Variants in FBXO34 observed in about 807,000 individuals in gnomAD.
FBXO34 encodes F-box only protein 34.
Under a neutral mutation model 24.5 loss-of-function variants are expected in FBXO34, and 12 were observed. The ratio of observed to expected loss-of-function variants is 0.49; its 90% CI spans 0.31 to 0.79. The LOEUF (loss-of-function observed/expected upper bound fraction) is 0.79, where lower values mean the gene tolerates loss of function less well. FBXO34 is among the 30% of genes least tolerant of loss of function. The probability of loss-of-function intolerance (pLI) is 0.04; values close to 1 mark genes in which losing one functional copy is unlikely to be tolerated. For missense variants in FBXO34, 823 were observed against 857.7 expected (o/e 0.96, Z 0.51); for synonymous variants, 320 against 311.9 (o/e 1.03, Z -0.27).
the FBXO34 span, chr14:55,440,345 G>A: frequency 6.2e-6 from 10 of 1,609,066 alleles, no homozygotes; most frequent in African/African-American, 1.3e-5. Context: ...CCTTGGCACA[G>A]GACCGGGCGG....
At chr14:55,327,597 C>T (rs1185358143) in intron 1 of FBXO34, among the ~76,000 whole-genome samples, 5 of 152,030 alleles carry the variant, frequency 3.3e-5, no homozygotes, top group African/African-American at 1.2e-4. Flanking sequence ...AAAAATGTTG[C>T]TGTTTACTAA....
At chr14:55,390,986 T>A in the FBXO34 span, 2 of 1,603,736 alleles carry the variant, frequency 1.2e-6, no homozygotes, top group African/African-American at 2.7e-5. Flanking sequence ...GACATTATTT[T>A]CCATCTCTGA....
At chr14:55,322,408 C>A (rs1883170408) in intron 1 of FBXO34, among the ~76,000 whole-genome samples, 1 of 152,006 alleles carries the variant, frequency 6.6e-6, no homozygotes, top group Non-Finnish European at 1.5e-5. Context: ...TCAGTTTTTA[C>A]ACCAATAGCA....
the FBXO34 span, chr14:55,395,124 A>G: frequency 2.1e-6 from 1 of 481,754 alleles, no homozygotes; most frequent in South Asian, 1.5e-5. Flanking sequence ...CTGCTTTCTC[A>G]GCTTCGTTTC....
chr14:55,418,505 T>C, the FBXO34 span, among the ~76,000 whole-genome samples: 1 of 152,326 alleles, frequency 6.6e-6, no homozygotes, highest in East Asian at 1.9e-4. Flanking sequence ...AAGTTATTCA[T>C]TTTATGACAT....
chr14:55,440,221 A>G, the FBXO34 span, among the ~76,000 whole-genome samples: 1 of 152,328 alleles, frequency 6.6e-6, no homozygotes, highest in African/African-American at 2.4e-5. Context: ...CTGTTTGGCA[A>G]CCTTGGTCAA....
Position 55,351,277 on chromosome 14 carries a change from A to G in FBXO34, c.887A>G (p.Gln296Arg), listed in dbSNP as rs1394290322. ...TCTGAGTGCCTGAAGCGGCAGGGCCAGCGTGAGCCTGGGAGCCTCTCAAGG... is the reference window on the plus strand; with the variant it reads ...TCTGAGTGCCTGAAGCGGCAGGGCCGGCGTGAGCCTGGGAGCCTCTCAAGG... ...LESECLKRQG[Q>R]REPGSLSRNN... The change falls in exon 2 of 2, where the codon CAG becomes CGG. Residue 296 changes from glutamine (Q) to arginine (R), a missense_variant. This residue lies in a region of FBXO34 where 693 missense variants were observed against 659.1 expected (regional missense o/e 1.05). Coordinates refer to ENST00000313833, the MANE Select transcript of FBXO34 (RefSeq NM_017943.4). The G allele has an allele frequency of 2.5e-6, 4 of 1,614,216 alleles. No homozygotes were observed. In the South Asian group the frequency reaches 4.4e-5, roughly 18 times the overall value.
At chr14:55,385,112 C>CT in the FBXO34 span, among the ~76,000 whole-genome samples, 2 of 152,332 alleles carry the variant, frequency 1.3e-5, no homozygotes, top group Admixed American at 6.5e-5. Flanking sequence ...TGCCCACCAT[C>CT]TAAGAGACCC....
chr14:55,317,969 C>T (rs975400610), intron 1 of FBXO34, among the ~76,000 whole-genome samples: 4 of 152,162 alleles, frequency 2.6e-5, no homozygotes, highest in Non-Finnish European at 4.4e-5. Flanking sequence ...ATTTCAGAAA[C>T]ATTTTCTATT....
chr14:55,412,301 T>A, the FBXO34 span, among the ~76,000 whole-genome samples: 1 of 152,220 alleles, frequency 6.6e-6, no homozygotes, highest in African/African-American at 2.4e-5. Context: ...TGGGGCAAGT[T>A]CCTTAATCTC....
chr14:55,287,153 G>A (rs1220393250), intron 1 of FBXO34, among the ~76,000 whole-genome samples: 1 of 152,110 alleles, frequency 6.6e-6, no homozygotes, highest in Non-Finnish European at 1.5e-5. Context: ...TGATCCATCT[G>A]CCTTGGCCTC....
intron 1 of FBXO34, among the ~76,000 whole-genome samples, chr14:55,293,045 G>A (rs1462816824): frequency 2.0e-4 from 31 of 152,234 alleles, no homozygotes; most frequent in Admixed American, 1.7e-3. Flanking sequence ...ACCACACCCG[G>A]CTAATTTTTG....
chr14:55,273,281 G>T (rs1476998711), intron 1 of FBXO34, among the ~76,000 whole-genome samples: 1 of 152,058 alleles, frequency 6.6e-6, no homozygotes, highest in Admixed American at 6.5e-5. Context: ...GCAGATGGAA[G>T]TTATGCCCAT....
chr14:55,406,824 TA>T, the FBXO34 span, among the ~76,000 whole-genome samples: 1 of 152,216 alleles, frequency 6.6e-6, no homozygotes, highest in Non-Finnish European at 1.5e-5. Flanking sequence ...CCCTGAACCC[TA>T]AAATTTCTTT....
At chr14:55,309,312 G>A (rs761682716) in intron 1 of FBXO34, among the ~76,000 whole-genome samples, 8 of 152,170 alleles carry the variant, frequency 5.3e-5, no homozygotes, top group African/African-American at 1.9e-4. Flanking sequence ...GTGTGGCGGT[G>A]TGTGGATGGG....
Position 55,345,855 on chromosome 14 carries a change from G to T in FBXO34, c.-10-4526G>T, listed in dbSNP as rs548104214. Among the ~76,000 whole-genome samples, 5 of 151,712 alleles carry T rather than the reference G, an allele frequency of 3.3e-5. No individual in the cohort carries two copies. The South Asian group carries it at 1.0e-3, about 32-fold the overall frequency. On this transcript the variant is annotated intron_variant, in intron 1 of 1. Coordinates refer to ENST00000313833, the MANE Select transcript of FBXO34 (RefSeq NM_017943.4). ...TGTCTCTACAAAAAATTTTTAAAAA[G>T]ATTAGCTGGCCATTGTGGCATGTGC...
rs1881141881 is a variant in FBXO34 at position 55,271,507 on chromosome 14, G to C, written c.-41G>C. 6.6e-6 allele frequency: 1 copy of C among 151,376 alleles called. No homozygotes were observed. Among genetic ancestry groups the C allele is most frequent in the Admixed American group, 6.6e-5 (1 of 15,206 alleles). 9.4% of individuals were successfully genotyped at this position (151,376 alleles called of 1,614,324 possible). A position where few individuals can be genotyped will look rare whatever the true frequency, so the allele number is the denominator to read the frequency against. On this transcript the variant is annotated 5_prime_UTR_variant, in exon 1 of 2. Transcript: ENST00000313833. ...CACTGCGTCGGGCTGGTGCAGCCCC[G>C]GGCCAGGCCGCGGCCGGGGCAGGAG...
At chr14:55,329,933 T>G (rs1337457021) in intron 1 of FBXO34, among the ~76,000 whole-genome samples, 1 of 152,094 alleles carries the variant, frequency 6.6e-6, no homozygotes, top group Non-Finnish European at 1.5e-5. Context: ...CTGGCCTGTT[T>G]TTTTGTTTCT....
the FBXO34 span, among the ~76,000 whole-genome samples, chr14:55,433,309 CTTTTTTTTTT>C: frequency 1.5e-4 from 18 of 119,892 alleles, no homozygotes; most frequent in African/African-American, 5.3e-4. Context: ...TTAGATTTCT[CTTTTTTTTTT>C]TTTTTTTTTT....
Sources: gnomAD v4.1 joint callset for allele counts (sites outside exome capture counted in the v4.1 genomes callset) on GRCh38, gnomAD v4.1.1 for gene constraint, gnomAD v4.1.1 regional missense constraint, MANE v1.5 for transcripts, NCBI Gene and HGNC (gene_info 2026-07-23, HGNC 2026-07-21) for gene names.